INPP5A: variants seen among roughly 807,000 people sequenced by gnomAD.
INPP5A encodes the protein 43 kDa inositol polyphosphate 5-phophatase.
Under a neutral mutation model 65.2 loss-of-function variants are expected in INPP5A, and 14 were observed. The ratio of observed to expected loss-of-function variants is 0.21; its 90% CI spans 0.14 to 0.34. INPP5A has a LOEUF of 0.34. Among genes scored for constraint, INPP5A ranks in the 10% least tolerant of loss-of-function variants. The probability of loss-of-function intolerance (pLI) is 1.00; values close to 1 mark genes in which losing one functional copy is unlikely to be tolerated. For missense variants in INPP5A, 431 were observed against 545.6 expected, an observed-to-expected ratio of 0.79 and a Z score of 2.09; for synonymous variants, 207 against 208.3, an observed-to-expected ratio of 0.99 and a Z score of 0.05.
At chr10:132,588,327 GCT>G (rs2071573371) in intron 1 of INPP5A, among the ~76,000 whole-genome samples, 2 of 152,220 alleles carry the variant, frequency 1.3e-5, no homozygotes, top group Admixed American at 6.5e-5. Context: ...TTTCGAGACA[GCT>G]CTCTGTCCTA....
chr10:132,761,547 C>T (rs1846733111), intron 11 of INPP5A, among the ~76,000 whole-genome samples: 4 of 151,418 alleles, frequency 2.6e-5, no homozygotes, highest in African/African-American at 9.7e-5. Context: ...AGGAAGCTTG[C>T]TGAGGATGGC....
intron 4 of INPP5A, among the ~76,000 whole-genome samples, chr10:132,679,466 C>T (rs990235830): frequency 7.2e-5 from 11 of 152,060 alleles, no homozygotes; most frequent in Admixed American, 2.0e-4. Flanking sequence ...ATGGGACAGA[C>T]GGGCCACCCC....
chr10:132,727,804 G>GGATGGGGACACGGTAAGTCA lies in INPP5A; in HGVS notation c.732+913_732+914insAAGTCAGATGGGGACACGGT, dbSNP rs1564986815. ...GAGTCAGATGGGGACACGGTAAGTC[G>GGATGGGGACACGGTAAGTCA]GATGGGGACACGGTGAGTCAGATGG... On this transcript the variant is annotated intron_variant, in intron 9 of 15. Coordinates refer to ENST00000368594, the MANE Select transcript of INPP5A (RefSeq NM_005539.5). This position sits in a 1 kb window ranked among gnomAD's most constrained non-coding sequence, Gnocchi z 6.5. Among the ~76,000 whole-genome samples the GGATGGGGACACGGTAAGTCA allele has an allele frequency of 4.6e-5, 7 of 152,028 alleles. No individual in the cohort carries two copies. Among genetic ancestry groups the GGATGGGGACACGGTAAGTCA allele is most frequent in the Non-Finnish European group, 8.8e-5 (6 of 68,002 alleles).
chr10:132,699,623 T>TG (rs924865838), intron 6 of INPP5A, among the ~76,000 whole-genome samples: 2 of 151,560 alleles, frequency 1.3e-5, no homozygotes, highest in African/African-American at 4.9e-5. Context: ...CCATAGCTCT[T>TG]GGGGGTGGGG....
At chr10:132,649,285 TCA>T (rs766953831) in intron 3 of INPP5A, among the ~76,000 whole-genome samples, 1 of 152,232 alleles carries the variant, frequency 6.6e-6, no homozygotes, top group Non-Finnish European at 1.5e-5. Context: ...CGCTGTCTGG[TCA>T]CAGTTGCAAT....
intron 3 of INPP5A, among the ~76,000 whole-genome samples, chr10:132,649,722 T>A (rs59077235): frequency 1.1e-4 from 17 of 152,300 alleles, no homozygotes; most frequent in Admixed American, 2.6e-4. Flanking sequence ...GGACTGTCTC[T>A]GTGGAGGGGC....
At chr10:132,640,150 C>T (rs2072407063) in intron 2 of INPP5A, among the ~76,000 whole-genome samples, 1 of 152,206 alleles carries the variant, frequency 6.6e-6, no homozygotes, top group African/African-American at 2.4e-5. Flanking sequence ...ATTGTGGATG[C>T]TGCGTTGTAT....
intron 12 of INPP5A, among the ~76,000 whole-genome samples, chr10:132,772,517 G>C (rs111353384): frequency 1.7e-3 from 139 of 80,110 alleles, no homozygotes; most frequent in Non-Finnish European, 2.3e-3. Context: ...GCAGCCACCC[G>C]ATGAAGAGTG....
At chr10:132,605,258 T>G (rs891606430) in intron 1 of INPP5A, among the ~76,000 whole-genome samples, 89 of 4,418 alleles carry the variant, frequency 0.02, no homozygotes, top group African/African-American at 0.026. Context: ...CAGGAGGGAG[T>G]GGGGGAGGGG....
intron 12 of INPP5A, among the ~76,000 whole-genome samples, chr10:132,771,401 C>T (rs548356127): frequency 1.2e-3 from 185 of 152,378 alleles, no homozygotes; most frequent in Non-Finnish European, 2.1e-3. Context: ...CTGGTTCCCA[C>T]GCCGGCGCCG....
Position 132,781,798 on chromosome 10 carries a change from G to A in INPP5A, c.1159-63G>A, listed in dbSNP as rs749960491. On this transcript the variant is annotated intron_variant, in intron 14 of 15. Transcript: ENST00000368594. ...AGGGTCTGGGGGTGCAACGGGAGGC[G>A]GCGGCATGTGCTGTGCTGTCCCGCG... 5.8e-4 allele frequency: 785 copies of A among 1,356,840 alleles called. 2 individuals are homozygous for A. The highest frequency in any genetic ancestry group is 7.4e-4 in the Non-Finnish European group (699 of 949,726). The allele number at this position is 1,356,840 out of a possible 1,614,324, so 84.1% of individuals were successfully genotyped here.
At chr10:132,588,674 A>C (rs1164635912) in intron 1 of INPP5A, among the ~76,000 whole-genome samples, 3 of 152,086 alleles carry the variant, frequency 2.0e-5, no homozygotes, top group Admixed American at 6.6e-5. Context: ...AGGCACCCAC[A>C]GTGCTTTTTT....
chr10:132,749,156 AGGCC>A (rs557527292), intron 9 of INPP5A, among the ~76,000 whole-genome samples: 18 of 152,198 alleles, frequency 1.2e-4, no homozygotes, highest in Non-Finnish European at 2.5e-4. Flanking sequence ...GAGCGGGAGG[AGGCC>A]GGCCATGTGC....
chr10:132,615,303 G>A (rs751517326), intron 2 of INPP5A, among the ~76,000 whole-genome samples: 7 of 152,234 alleles, frequency 4.6e-5, no homozygotes, highest in Non-Finnish European at 7.3e-5. Flanking sequence ...TGTGGCGTCC[G>A]GAACCAGCTC....
At chr10:132,664,600 G>T (rs2133422666) in intron 4 of INPP5A, among the ~76,000 whole-genome samples, 1 of 152,362 alleles carries the variant, frequency 6.6e-6, no homozygotes, top group South Asian at 2.1e-4. Context: ...ACACCGCTGT[G>T]TGGGGGTGGC....
At chr10:132,733,511 C>T (rs1221844060) in intron 9 of INPP5A, among the ~76,000 whole-genome samples, 1 of 152,228 alleles carries the variant, frequency 6.6e-6, no homozygotes, top group African/African-American at 2.4e-5. Flanking sequence ...CCAAGCCCCT[C>T]TTATGGAAAA....
At chr10:132,720,542 T>C (rs1244582715) in intron 8 of INPP5A, among the ~76,000 whole-genome samples, 1 of 150,406 alleles carries the variant, frequency 6.6e-6, no homozygotes, top group Non-Finnish European at 1.5e-5. Context: ...TCTGGGCACC[T>C]TAGACGACTG....
intron 8 of INPP5A, among the ~76,000 whole-genome samples, chr10:132,720,896 G>A (rs1476582763): frequency 6.6e-6 from 1 of 151,276 alleles, no homozygotes; most frequent in Non-Finnish European, 1.5e-5. Context: ...TTCTGTCTGG[G>A]CGCCTTAGAC....
chr10:132,658,080 C>G (rs912253927), intron 4 of INPP5A, among the ~76,000 whole-genome samples: 3 of 152,186 alleles, frequency 2.0e-5, no homozygotes, highest in Non-Finnish European at 4.4e-5. Flanking sequence ...CTCCGCTCCC[C>G]GCTGCTGTGA....
Sources: gnomAD v4.1 joint callset for allele counts (sites outside exome capture counted in the v4.1 genomes callset) on GRCh38, gnomAD v4.1.1 for gene constraint, Gnocchi (gnomAD v3.1) non-coding constraint, MANE v1.5 for transcripts, NCBI Gene and HGNC (gene_info 2026-07-23, HGNC 2026-07-21) for gene names.